MAP3K15: variants seen among roughly 807,000 people sequenced by gnomAD.
MAP3K15 encodes MAPK/ERK kinase kinase 15.
A neutral mutation model predicts 99.5 loss-of-function variants in MAP3K15; 124 were observed. That is an observed-to-expected ratio of 1.25 (90% CI 1.08 to 1.45). MAP3K15 has a LOEUF of 1.45. Among genes scored for constraint, MAP3K15 ranks in the 40% most tolerant of loss-of-function variants. The probability of loss-of-function intolerance (pLI) is 0.00; values close to 1 mark genes in which losing one functional copy is unlikely to be tolerated. For synonymous variants in MAP3K15, 494 were observed against 439.6 expected, an observed-to-expected ratio of 1.12 and a Z score of -1.55; for missense variants, 1,242 against 1,079.7, an observed-to-expected ratio of 1.15 and a Z score of -2.11.
intron 5 of MAP3K15, among the ~76,000 whole-genome samples, chrX:19,458,291 G>A (rs765576452): frequency 8.0e-5 from 9 of 112,387 alleles, no homozygotes; most frequent in Admixed American, 2.8e-4. Flanking sequence ...GCAGCAGCTC[G>A]AGGGAAGAAA....
intron 24 of MAP3K15, among the ~76,000 whole-genome samples, chrX:19,369,557 G>T (rs1241012621): frequency 1.8e-5 from 2 of 110,863 alleles, no homozygotes; most frequent in Non-Finnish European, 3.8e-5. Context: ...GATCACTTGA[G>T]GTCAGGAGTT....
At chrX:19,393,772 T>G (rs1206066791) in intron 16 of MAP3K15, among the ~76,000 whole-genome samples, 1 of 85,297 alleles carries the variant, frequency 1.2e-5, no homozygotes, top group Non-Finnish European at 2.3e-5. Flanking sequence ...TTTTTTTTTT[T>G]TTTTTTTTTT....
intron 12 of MAP3K15, 141 bp from the exon 13 acceptor site, chrX:19,407,424 A>G (rs1325179630): frequency 2.7e-6 from 1 of 373,399 alleles, no homozygotes. Context: ...TCTGCCTTTT[A>G]TTTCTCTATG....
intron 18 of MAP3K15, among the ~76,000 whole-genome samples, chrX:19,390,879 C>T (rs190336629): frequency 7.2e-5 from 8 of 110,707 alleles, no homozygotes; most frequent in Non-Finnish European, 1.3e-4. Context: ...GTGATCTTTA[C>T]GTTACTCCTT....
intron 15 of MAP3K15, among the ~76,000 whole-genome samples, chrX:19,397,324 G>A (rs1289020615): frequency 8.9e-6 from 1 of 112,058 alleles, no homozygotes; most frequent in Non-Finnish European, 1.9e-5. Flanking sequence ...AAAAAATTCT[G>A]TACTGCAAAA....
intron 15 of MAP3K15, among the ~76,000 whole-genome samples, chrX:19,395,764 C>A (rs1165433517): frequency 8.9e-6 from 1 of 111,998 alleles, no homozygotes; most frequent in Non-Finnish European, 1.9e-5. Flanking sequence ...CACATAAATT[C>A]CACATAGAGA....
intron 9 of MAP3K15, among the ~76,000 whole-genome samples, chrX:19,419,304 C>G (rs1452010358): frequency 1.8e-5 from 2 of 110,407 alleles, no homozygotes; most frequent in Non-Finnish European, 3.8e-5. Flanking sequence ...ATCTCACGTG[C>G]AGAGACACAC....
chrX:19,396,890 ATAAATT>A (rs1290486786), intron 15 of MAP3K15, among the ~76,000 whole-genome samples: 3 of 108,063 alleles, frequency 2.8e-5, no homozygotes, highest in Non-Finnish European at 3.8e-5. Flanking sequence ...TTGTTGGGGT[ATAAATT>A]TAAACTTTTT....
chrX:19,501,004 G>A (rs983816127), intron 1 of MAP3K15, among the ~76,000 whole-genome samples: 1 of 111,981 alleles, frequency 8.9e-6, no homozygotes, highest in Admixed American at 9.5e-5. Flanking sequence ...TAACTAACGT[G>A]AGGAAAGTTC....
chrX:19,387,152 G>T (rs2063498546), intron 18 of MAP3K15, among the ~76,000 whole-genome samples: 1 of 111,506 alleles, frequency 9.0e-6, no homozygotes, highest in African/African-American at 3.3e-5. Flanking sequence ...TTTGAAGGGG[G>T]CTTCACTGAG....
At chrX:19,414,030 A>G (rs911222306) in intron 10 of MAP3K15, among the ~76,000 whole-genome samples, 7 of 108,817 alleles carry the variant, frequency 6.4e-5, no homozygotes, top group Non-Finnish European at 1.1e-4. Flanking sequence ...GTGTGGTGGT[A>G]TACACCTGTA....
At chrX:19,453,500 C>CAA (rs746362628) in intron 6 of MAP3K15, among the ~76,000 whole-genome samples, 2 of 66,810 alleles carry the variant, frequency 3.0e-5, no homozygotes, top group Admixed American at 1.7e-4. Flanking sequence ...CGTCTCAGGC[C>CAA]AAAAAAAAAA....
At chrX:19,496,066 A>ATTTTT (rs374380661) in intron 1 of MAP3K15, among the ~76,000 whole-genome samples, 1 of 91,562 alleles carries the variant, frequency 1.1e-5, no homozygotes, top group Non-Finnish European at 2.2e-5. Flanking sequence ...CATCACCCCA[A>ATTTTT]TTTTTTTTTT....
chrX:19,486,599 T>C (rs887395756), intron 2 of MAP3K15, 94 bp from the exon 3 acceptor site: 10 of 379,705 alleles, frequency 2.6e-5, no homozygotes, highest in South Asian at 6.1e-5. Context: ...AAGAAATTAA[T>C]CATGTAAGAA....
intron 3 of MAP3K15, among the ~76,000 whole-genome samples, chrX:19,476,212 G>A (rs913441601): frequency 8.9e-6 from 1 of 112,080 alleles, no homozygotes; most frequent in Non-Finnish European, 1.9e-5. Context: ...ATCTAAGGCA[G>A]ATAGAAAGCC....
chrX:19,446,164 C>T (rs760795783), intron 6 of MAP3K15, among the ~76,000 whole-genome samples: 28 of 111,360 alleles, frequency 2.5e-4, no homozygotes, highest in Middle Eastern at 9.2e-3. Flanking sequence ...GTTATTATAA[C>T]GTGTTACTAG....
At chrX:19,385,097 AC>A (rs1306755695) in intron 18 of MAP3K15, among the ~76,000 whole-genome samples, 1 of 111,721 alleles carries the variant, frequency 9.0e-6, no homozygotes, top group Non-Finnish European at 1.9e-5. Flanking sequence ...ATCAACTCAA[AC>A]AACAAATAGT....
intron 9 of MAP3K15, among the ~76,000 whole-genome samples, chrX:19,420,711 C>T (rs1266475155): frequency 9.0e-6 from 1 of 111,611 alleles, no homozygotes; most frequent in African/African-American, 3.3e-5. Context: ...GATACCAAAG[C>T]CTGGCAGAGA....
chrX:19,402,392 A>G (rs2063615634), intron 13 of MAP3K15, among the ~76,000 whole-genome samples: 1 of 111,337 alleles, frequency 9.0e-6, no homozygotes, highest in Admixed American at 9.6e-5. Flanking sequence ...TGACATGACC[A>G]CTTTGGAAAA....
Sources: gnomAD v4.1 joint callset for allele counts (sites outside exome capture counted in the v4.1 genomes callset) on GRCh38, gnomAD v4.1.1 for gene constraint, MANE v1.5 for transcripts, NCBI Gene and HGNC (gene_info 2026-07-23, HGNC 2026-07-21) for gene names.